GRIA3: variants seen among roughly 807,000 people sequenced by gnomAD.
GRIA3 encodes glutamate receptor 3.
In GRIA3, 3 loss-of-function variants were observed where a neutral mutation model predicts 63.0. That is an observed-to-expected ratio of 0.05 (90% confidence interval 0.02 to 0.12). The LOEUF (loss-of-function observed/expected upper bound fraction) is 0.12. GRIA3 is among the 10% of genes least tolerant of loss of function. The probability of loss-of-function intolerance (pLI) is 1.00; values close to 1 mark genes in which losing one functional copy is unlikely to be tolerated. For missense variants in GRIA3, 347 were observed against 700.9 expected, an observed-to-expected ratio of 0.50 and a Z score of 5.70; for synonymous variants, 274 against 257.9, an observed-to-expected ratio of 1.06 and a Z score of -0.60.
intron 5 of GRIA3, among the ~76,000 whole-genome samples, chrX:123,357,408 A>G (rs1405234942): frequency 9.3e-6 from 1 of 107,865 alleles, no homozygotes; most frequent in Non-Finnish European, 1.9e-5. Context: ...GGGTCTCCTT[A>G]TTTCTACTGA....
intron 2 of GRIA3, among the ~76,000 whole-genome samples, chrX:123,209,185 C>T (rs996895394): frequency 7.2e-5 from 8 of 111,658 alleles, no homozygotes; most frequent in African/African-American, 2.3e-4. Flanking sequence ...AACTCTGCCA[C>T]GTAACTAACC....
At position 123,229,151 on chromosome X, in the gene GRIA3, C is replaced by T. The variant is rs142914334; in HGVS notation, c.269-24152C>T. Among the ~76,000 whole-genome samples the T allele has an allele frequency of 3.6e-3, 398 of 111,494 alleles. 3 individuals are homozygous for T. Among genetic ancestry groups the T allele is most frequent in the African/African-American group, 0.012 (377 of 30,726 alleles). On this transcript the variant is annotated intron_variant, in intron 2 of 15. Coordinates refer to ENST00000620443, the MANE Select transcript of GRIA3 (RefSeq NM_007325.5). ...CTTACAGATTAGACATTGACCCCTACTCTTGCAGATAGAAAAACTGAGGCC... is the reference window on the plus strand; with the variant it reads ...CTTACAGATTAGACATTGACCCCTATTCTTGCAGATAGAAAAACTGAGGCC...
chrX:123,202,001 T>C (rs758038566), intron 2 of GRIA3, among the ~76,000 whole-genome samples: 12 of 112,210 alleles, frequency 1.1e-4, no homozygotes, highest in Non-Finnish European at 1.9e-4. Context: ...TTGCAGTCAG[T>C]CCTTAGTTAT....
Position 123,194,089 on chromosome X carries a change from C to T in GRIA3, c.268+8099C>T, listed in dbSNP as rs182044189. ...TTTAACTATTTTAGCTGCCTTTGAC[C>T]GAAGTCATACCCTTCTGATGGTAGT... On this transcript the variant is annotated intron_variant, in intron 2 of 15. Transcript: ENST00000620443. Among the ~76,000 whole-genome samples, 29 of 110,890 alleles carry T rather than the reference C, an allele frequency of 2.6e-4. No homozygotes were observed. In the East Asian group the frequency reaches 5.7e-3, roughly 22 times the overall value.
rs1278311368 is a variant in GRIA3, at chrX:123,398,714, G to A, written c.991G>A (p.Val331Met). The change falls in exon 7 of 16, where the codon GTG becomes ATG. Residue 331 changes from valine (V) to methionine (M), a missense_variant. By Grantham distance (21) the Val-to-Met change is conservative. Around this residue, in one of 8 missense-constraint regions of GRIA3, gnomAD observed 65 missense variants for 145.8 expected, o/e 0.45. Coordinates refer to ENST00000620443, the MANE Select transcript of GRIA3 (RefSeq NM_007325.5). Reference sequence around the variant, plus strand: ...CTACCTGAGGAGGCAGCGAGTAGATGTGTCCCGGAGAGGAAGTGCTGGAGA... The same window carrying A: ...CTACCTGAGGAGGCAGCGAGTAGATATGTCCCGGAGAGGAAGTGCTGGAGA... ...FRYLRRQRVDVSRRGSAGDCL... is the reference protein window; with the variant it reads ...FRYLRRQRVDMSRRGSAGDCL... The A allele has an allele frequency of 8.3e-7, 1 of 1,205,083 alleles. No individual in the cohort carries two copies. The highest frequency in any genetic ancestry group is 1.8e-5 in the African/African-American group (1 of 56,967).
chrX:123,257,290 G>A (rs751845224), intron 3 of GRIA3, among the ~76,000 whole-genome samples: 105 of 111,468 alleles, frequency 9.4e-4, no homozygotes, highest in Non-Finnish European at 1.9e-3. Flanking sequence ...TGCCTACTTA[G>A]TGTTTTCCAA....
intron 2 of GRIA3, among the ~76,000 whole-genome samples, chrX:123,240,598 C>T (rs968051338): frequency 9.0e-5 from 10 of 111,363 alleles, no homozygotes; most frequent in African/African-American, 1.3e-4. Flanking sequence ...ACCCTAGGGT[C>T]GGATATTAAT....
intron 4 of GRIA3, 74 bp downstream of exon 4, chrX:123,326,287 A>G (rs915751555): frequency 7.0e-6 from 6 of 861,482 alleles, no homozygotes; most frequent in Non-Finnish European, 1.0e-5. Context: ...ATATCTGCTA[A>G]TAAATTAAGT....
chrX:123,230,330 C>T (rs1403644251), intron 2 of GRIA3, among the ~76,000 whole-genome samples: 1 of 112,141 alleles, frequency 8.9e-6, no homozygotes, highest in Non-Finnish European at 1.9e-5. Flanking sequence ...ACTAACCCAT[C>T]TTGTGTCATA....
chrX:123,346,836 C>A (rs749390811), intron 4 of GRIA3, among the ~76,000 whole-genome samples: 119 of 111,920 alleles, frequency 1.1e-3, no homozygotes, highest in Non-Finnish European at 2.0e-3. Context: ...AGCAGGCATT[C>A]AAAAATGTTC....
rs910283828 is a variant in GRIA3 at position 123,471,650 on chromosome X, C to T, written c.2324+6538C>T. 2.7e-5 allele frequency among the ~76,000 whole-genome samples: 3 copies of T among 110,746 alleles called. No individual in the cohort carries two copies. The Admixed American group carries it at 2.9e-4, about 11-fold the overall frequency. On this transcript the variant is annotated intron_variant, in intron 13 of 15. Coordinates refer to ENST00000620443, the MANE Select transcript of GRIA3 (RefSeq NM_007325.5). Reference sequence around the variant, plus strand: ...TTTGAAGACCAAATCATTTGGTTTCCTTTCATTTGAAGAGAAGGTTATACA... The same window carrying T: ...TTTGAAGACCAAATCATTTGGTTTCTTTTCATTTGAAGAGAAGGTTATACA...
chrX:123,304,891 T>C (rs2044745626), intron 3 of GRIA3, among the ~76,000 whole-genome samples: 1 of 112,203 alleles, frequency 8.9e-6, no homozygotes, highest in Non-Finnish European at 1.9e-5. Context: ...TTGTCAGCAA[T>C]GCCACAGGCA....
chrX:123,407,375 T>G (rs1398921642), intron 10 of GRIA3, among the ~76,000 whole-genome samples: 1 of 111,525 alleles, frequency 9.0e-6, no homozygotes, highest in Non-Finnish European at 1.9e-5. Flanking sequence ...TTGTTTGGAC[T>G]GCTATAATAA....
At chrX:123,248,740 C>T (rs188829398) in intron 2 of GRIA3, among the ~76,000 whole-genome samples, 1,519 of 111,250 alleles carry the variant, frequency 0.014, 14 homozygotes, top group African/African-American at 0.046. Flanking sequence ...GAGCCGAGAT[C>T]GGGCCATTGC....
At chrX:123,204,773 T>C (rs1480040282) in intron 2 of GRIA3, 6 of 397,924 alleles carry the variant, frequency 1.5e-5, no homozygotes, top group Non-Finnish European at 2.2e-5. Flanking sequence ...TTAATGCACT[T>C]CCAGTTGATT....
intron 4 of GRIA3, among the ~76,000 whole-genome samples, chrX:123,348,911 G>C (rs2045073072): frequency 8.9e-6 from 1 of 111,969 alleles, no homozygotes; most frequent in African/African-American, 3.2e-5. Context: ...TCAGGACAGG[G>C]AAACCTGATC....
intron 3 of GRIA3, among the ~76,000 whole-genome samples, chrX:123,264,670 T>A (rs1288953900): frequency 8.9e-6 from 1 of 112,031 alleles, no homozygotes; most frequent in Non-Finnish European, 1.9e-5. Context: ...AGGCAGCCAC[T>A]TTAAGGAAGA....
chrX:123,375,802 C>G (rs2045281602), intron 5 of GRIA3, among the ~76,000 whole-genome samples: 1 of 111,757 alleles, frequency 8.9e-6, no homozygotes. Context: ...TCTCCTAACT[C>G]TTCTTTATAC....
At chrX:123,229,982 T>G (rs1478163345) in intron 2 of GRIA3, among the ~76,000 whole-genome samples, 1 of 111,675 alleles carries the variant, frequency 9.0e-6, no homozygotes, top group African/African-American at 3.3e-5. Flanking sequence ...ACTAATCAAA[T>G]GCTGAGGGGG....
Sources: gnomAD v4.1 joint callset for allele counts (sites outside exome capture counted in the v4.1 genomes callset) on GRCh38, gnomAD v4.1.1 for gene constraint, gnomAD v4.1.1 regional missense constraint, MANE v1.5 for transcripts, NCBI Gene and HGNC (gene_info 2026-07-23, HGNC 2026-07-21) for gene names.